LONP2: variants seen among roughly 807,000 people sequenced by gnomAD.
LONP2 encodes lon peptidase 2, peroxisomal, also known as lon protease homolog 2, peroxisomal.
Under a neutral mutation model 85.6 loss-of-function variants are expected in LONP2, and 60 were observed. The observed-to-expected ratio is 0.70, with a 90% CI of 0.57 to 0.87. The LOEUF (loss-of-function observed/expected upper bound fraction) is 0.87. Ranked by LOEUF, LONP2 falls within the 40% of genes least tolerant of loss-of-function variation. The pLI, the probability that LONP2 is intolerant of heterozygous loss-of-function variation, is 0.00. For missense variants in LONP2, 860 were observed against 1,063.5 expected, an observed-to-expected ratio of 0.81 and a Z score of 2.66; for synonymous variants, 395 against 389.7, an observed-to-expected ratio of 1.01 and a Z score of -0.16.
At chr16:48,321,570 ACAT>A (rs1973265385) in intron 11 of LONP2, among the ~76,000 whole-genome samples, 1 of 152,190 alleles carries the variant, frequency 6.6e-6, no homozygotes, top group Admixed American at 6.5e-5. Flanking sequence ...CATTGTGGAA[ACAT>A]CATAGAGTGT....
rs774570279 is a variant in LONP2, at chr16:48,261,533, G to A, written c.833G>A (p.Arg278Gln). The stretch of plus-strand genomic sequence containing the variant: ...ATTGTCATGCTAGAGAAAAAAATAC[G>A]AACATCTAGTATGCCAGAGCAGGCC... ...DDIVMLEKKI[R>Q]TSSMPEQAHK... is the part of the protein sequence containing the mutation. The change falls in exon 5 of 15, where the codon CGA becomes CAA. Residue 278 changes from arginine (R) to glutamine (Q), a missense_variant. Transcript: ENST00000285737. The A allele has an allele frequency of 8.7e-6, 14 of 1,606,606 alleles. No individual in the cohort carries two copies. The highest frequency in any genetic ancestry group is 1.1e-5 in the South Asian group (1 of 90,284).
chr16:48,282,614 G>C (rs1325261581), intron 8 of LONP2, among the ~76,000 whole-genome samples: 1 of 151,574 alleles, frequency 6.6e-6, no homozygotes, highest in Non-Finnish European at 1.5e-5. Flanking sequence ...TGATTGTTTT[G>C]GGGCACCACA....
chr16:48,297,945 A>C (rs1972711630), intron 9 of LONP2, among the ~76,000 whole-genome samples: 1 of 152,154 alleles, frequency 6.6e-6, no homozygotes, highest in Non-Finnish European at 1.5e-5. Context: ...TGATCCACCC[A>C]CCTTGGCCTC....
chr16:48,324,324 C>T (rs1313059175), intron 11 of LONP2, among the ~76,000 whole-genome samples: 1 of 152,168 alleles, frequency 6.6e-6, no homozygotes, highest in Admixed American at 6.5e-5. Context: ...CATGCTTAAA[C>T]AAGGTCTGAA....
intron 11 of LONP2, among the ~76,000 whole-genome samples, chr16:48,314,804 C>T (rs1973107853): frequency 6.6e-6 from 1 of 151,874 alleles, no homozygotes; most frequent in South Asian, 2.1e-4. Context: ...ATTTTGTTTT[C>T]TAATTTTTTG....
chr16:48,259,580 C>T (rs1345197599), intron 4 of LONP2, among the ~76,000 whole-genome samples: 1 of 152,146 alleles, frequency 6.6e-6, no homozygotes, highest in Non-Finnish European at 1.5e-5. Context: ...ATTATGTTAG[C>T]AATTTGACGT....
chr16:48,260,080 T>A (rs1221947510), intron 4 of LONP2, among the ~76,000 whole-genome samples: 1 of 152,204 alleles, frequency 6.6e-6, no homozygotes, highest in Non-Finnish European at 1.5e-5. Context: ...GCTTTTGTCT[T>A]AACAATGAAA....
rs745393764 is a variant in LONP2 at position 48,352,180 on chromosome 16, T to G, written c.*378T>G. On this transcript the variant is annotated 3_prime_UTR_variant, in exon 15 of 15. Coordinates refer to ENST00000285737, the MANE Select transcript of LONP2 (RefSeq NM_031490.5). ...CCTGGGAGGTGGGGACAGAAATCTGTGTTTTAAGAAGCCTTCCAGGTAATT... is the reference window on the plus strand; with the variant it reads ...CCTGGGAGGTGGGGACAGAAATCTGGGTTTTAAGAAGCCTTCCAGGTAATT... 6.3e-5 allele frequency: 13 copies of G among 205,046 alleles called. No homozygotes were observed. The highest frequency in any genetic ancestry group is 1.1e-4 in the Non-Finnish European group (11 of 100,126). The allele number at this position is 205,046 out of a possible 1,614,324, so 12.7% of individuals were successfully genotyped here.
Position 48,334,307 on chromosome 16 carries a change from T to G in LONP2, c.1887T>G (p.Ile629Met). Residue 629 changes from isoleucine (I) to methionine (M), a missense_variant, in exon 12 of 15, where the codon ATT becomes ATG. Transcript: ENST00000285737. ...LALPPEMPILIDFHALKDILG... is the reference protein window; with the variant it reads ...LALPPEMPILMDFHALKDILG... The stretch of plus-strand genomic sequence containing the variant: ...TACCACCTGAAATGCCGATTTTGAT[T>G]GATTTCCATGCTCTGAAAGACATCC... 1 of 1,614,192 alleles carries G rather than the reference T, an allele frequency of 6.2e-7. No individual in the cohort carries two copies. Among genetic ancestry groups the G allele is most frequent in the Non-Finnish European group, 8.5e-7 (1 of 1,180,024 alleles).
chr16:48,326,500 A>G (rs2151019102), intron 11 of LONP2, among the ~76,000 whole-genome samples: 1 of 152,306 alleles, frequency 6.6e-6, no homozygotes, highest in Non-Finnish European at 1.5e-5. Context: ...GGTATAGAGA[A>G]TAAGGAGTGA....
At chr16:48,275,869 A>AT (rs1219811371) in intron 7 of LONP2, among the ~76,000 whole-genome samples, 2 of 152,052 alleles carry the variant, frequency 1.3e-5, no homozygotes, top group African/African-American at 2.4e-5. Context: ...TAGGATTCCA[A>AT]TTTTTTTAGA....
At position 48,362,599 on chromosome 16, in the gene LONP2, G is replaced by GA. The variant is rs1191172706; in HGVS notation, c.*738dup. 4.5e-6 allele frequency: 3 copies of GA among 665,252 alleles called. No homozygotes were observed. The highest frequency in any genetic ancestry group is 7.7e-6 in the Non-Finnish European group (3 of 390,106). The allele number at this position is 665,252 out of a possible 1,614,324, so 41.2% of individuals were successfully genotyped here. On this transcript the variant is annotated 3_prime_UTR_variant, in exon 5 of 5. Coordinates refer to the LONP2 transcript ENST00000565867. The surrounding 1 kb of genome is among the most constrained non-coding windows in gnomAD (Gnocchi z 4.2). ...GATATTAAAAAAATAAAATTACACT[G>GA]AATGTGCACTTTATTAGGATCTGTA...
chr16:48,337,654 C>T (rs558146241), intron 12 of LONP2, among the ~76,000 whole-genome samples: 80 of 152,192 alleles, frequency 5.3e-4, no homozygotes, highest in Non-Finnish European at 1.0e-3. Context: ...CACAGGTGGA[C>T]CTGAGCAGGG....
chr16:48,341,407 A>T (rs530502423), intron 12 of LONP2, among the ~76,000 whole-genome samples: 1 of 152,200 alleles, frequency 6.6e-6, no homozygotes, highest in Non-Finnish European at 1.5e-5. Context: ...CCGGCATGTC[A>T]TGTGGCCAGA....
At chr16:48,333,860 T>C (rs1273943346) in intron 11 of LONP2, among the ~76,000 whole-genome samples, 2 of 152,190 alleles carry the variant, frequency 1.3e-5, no homozygotes, top group Non-Finnish European at 2.9e-5. Context: ...GTCCTAGCTA[T>C]AGGCCATAAA....
At chr16:48,346,971 T>C (rs1351972006) in intron 12 of LONP2, among the ~76,000 whole-genome samples, 1 of 152,040 alleles carries the variant, frequency 6.6e-6, no homozygotes, top group Non-Finnish European at 1.5e-5. Context: ...GCCAACATGG[T>C]GAGACCACAT....
At chr16:48,340,467 T>C (rs1959779273) in intron 12 of LONP2, among the ~76,000 whole-genome samples, 1 of 152,252 alleles carries the variant, frequency 6.6e-6, no homozygotes, top group Non-Finnish European at 1.5e-5. Context: ...AATAACCTTA[T>C]ACCACCACTT....
chr16:48,259,416 G>C (rs1243895481), intron 4 of LONP2, among the ~76,000 whole-genome samples: 1 of 152,142 alleles, frequency 6.6e-6, no homozygotes, highest in African/African-American at 2.4e-5. Flanking sequence ...GATGGGATCT[G>C]TTTGAAGTCT....
At chr16:48,249,579 A>C (rs1391619076) in intron 1 of LONP2, among the ~76,000 whole-genome samples, 1 of 152,196 alleles carries the variant, frequency 6.6e-6, no homozygotes, top group Admixed American at 6.5e-5. Context: ...TTTTCTTTAA[A>C]AGGGATGTAT....
Sources: gnomAD v4.1 joint callset for allele counts (sites outside exome capture counted in the v4.1 genomes callset) on GRCh38, gnomAD v4.1.1 for gene constraint, Gnocchi (gnomAD v3.1) non-coding constraint, MANE v1.5 for transcripts, NCBI Gene and HGNC (gene_info 2026-07-23, HGNC 2026-07-21) for gene names.